The following MECOM variants were observed in gnomAD, a reference collection of about 807,000 sequenced individuals.
MECOM encodes the protein histone-lysine N-methyltransferase MECOM.
In MECOM, 13 loss-of-function variants were observed where a neutral mutation model predicts 116.3. The ratio of observed to expected loss-of-function variants is 0.11; its 90% CI spans 0.07 to 0.18. The LOEUF (loss-of-function observed/expected upper bound fraction) is 0.18, where lower values mean the gene tolerates loss of function less well. MECOM is among the 10% of genes least tolerant of loss of function. The probability of loss-of-function intolerance (pLI) is 1.00; values close to 1 mark genes in which losing one functional copy is unlikely to be tolerated. For missense variants in MECOM, 1,299 were observed against 1,509.0 expected, an observed-to-expected ratio of 0.86 and a Z score of 2.31; for synonymous variants, 528 against 535.2, an observed-to-expected ratio of 0.99 and a Z score of 0.19.
intron 1 of MECOM, among the ~76,000 whole-genome samples, chr3:169,431,651 C>G (rs867322083): frequency 6.6e-5 from 10 of 152,300 alleles, no homozygotes; most frequent in Middle Eastern, 3.4e-3. Flanking sequence ...TCAATATTTT[C>G]CATGGTAAAT....
At chr3:169,123,006 G>A (rs1731546850) in intron 5 of MECOM, among the ~76,000 whole-genome samples, 1 of 151,970 alleles carries the variant, frequency 6.6e-6, no homozygotes, top group African/African-American at 2.4e-5. Flanking sequence ...TTAAAAGCAT[G>A]ATAAACAACA....
chr3:169,530,325 T>C (rs1052657298), intron 1 of MECOM, among the ~76,000 whole-genome samples: 1 of 152,168 alleles, frequency 6.6e-6, no homozygotes, highest in Non-Finnish European at 1.5e-5. Flanking sequence ...TGTGCATCTT[T>C]AACAAGGAGG....
intron 1 of MECOM, among the ~76,000 whole-genome samples, chr3:169,463,474 G>A (rs1197266121): frequency 6.6e-6 from 1 of 152,168 alleles, no homozygotes; most frequent in Non-Finnish European, 1.5e-5. Context: ...GCAGCTGAGT[G>A]TCATCTCTAC....
At chr3:169,632,273 A>G (rs762132774) in intron 1 of MECOM, among the ~76,000 whole-genome samples, 2 of 152,150 alleles carry the variant, frequency 1.3e-5, no homozygotes, top group Non-Finnish European at 2.9e-5. Context: ...CAGAAATCTC[A>G]TATCACGTGA....
At chr3:169,541,403 T>C (rs1760041095) in intron 1 of MECOM, among the ~76,000 whole-genome samples, 1 of 152,192 alleles carries the variant, frequency 6.6e-6, no homozygotes, top group South Asian at 2.1e-4. Context: ...AAAGAGTCAT[T>C]GTTGTAACCC....
intron 2 of MECOM, chr3:169,146,374 A>T: frequency 2.2e-6 from 3 of 1,385,068 alleles, no homozygotes; most frequent in Non-Finnish European, 2.9e-6. Flanking sequence ...TGGCAACCGC[A>T]CCTTGTGCGT....
intron 1 of MECOM, among the ~76,000 whole-genome samples, chr3:169,386,601 T>G (rs1733355416): frequency 6.6e-6 from 1 of 152,198 alleles, no homozygotes; most frequent in South Asian, 2.1e-4. Flanking sequence ...CTTTATAATA[T>G]TCCATTATAG....
intron 2 of MECOM, among the ~76,000 whole-genome samples, chr3:169,321,427 C>A (rs528667976): frequency 3.9e-5 from 6 of 152,020 alleles, no homozygotes; most frequent in Non-Finnish European, 5.9e-5. Context: ...TTACTCACAG[C>A]TACTTGGGAG....
At chr3:169,439,269 C>A (rs1285754919) in intron 1 of MECOM, among the ~76,000 whole-genome samples, 1 of 145,750 alleles carries the variant, frequency 6.9e-6, no homozygotes, top group Non-Finnish European at 1.5e-5. Context: ...AAAGAAAATA[C>A]AAACTAGGAA....
chr3:169,085,005 G>T lies in MECOM; in HGVS notation c.3624C>A (p.Ser1208=). 6.2e-7 allele frequency: 1 copy of T among 1,614,100 alleles called. No homozygotes were observed. Among genetic ancestry groups the T allele is most frequent in the Non-Finnish European group, 8.5e-7 (1 of 1,179,990 alleles). The change falls in exon 17 of 17, where the codon TCC becomes TCA. Residue 1208 remains serine, a synonymous_variant. Transcript: ENST00000651503. ...AMMLSLSDKE[S]LHSTSHSSSN... ...AAGAACTGTGGGATGTAGAATGGAG[G>T]GACTCCTTGTCAGACAGTGACAGCA...
chr3:169,559,781 G>A (rs530132406), intron 1 of MECOM, among the ~76,000 whole-genome samples: 1 of 152,186 alleles, frequency 6.6e-6, no homozygotes, highest in East Asian at 1.9e-4. Flanking sequence ...ACAGATATAC[G>A]ACAGATTAAA....
At chr3:169,648,006 C>A (rs771347846) in intron 1 of MECOM, among the ~76,000 whole-genome samples, 33 of 152,112 alleles carry the variant, frequency 2.2e-4, no homozygotes, top group Non-Finnish European at 3.5e-4. Context: ...AGAAAAAAAA[C>A]AAGTCCCTAT....
intron 1 of MECOM, among the ~76,000 whole-genome samples, chr3:169,634,069 G>A (rs1219508726): frequency 2.6e-5 from 4 of 152,126 alleles, no homozygotes; most frequent in Non-Finnish European, 5.9e-5. Flanking sequence ...ACAGTGCAGG[G>A]ACAGCAGGAG....
rs148961989 is a variant in MECOM at position 169,561,794 on chromosome 3, G to A, written c.37+101542C>T. Among the ~76,000 whole-genome samples, 606 of 152,162 alleles carry A rather than the reference G, an allele frequency of 4.0e-3. 6 individuals carry two copies. The highest frequency in any genetic ancestry group is 0.014 in the African/African-American group (577 of 41,514). ...CTGAATGCGTATTTGCAGATACATAGGTGTCCATTATTTAGTCTTTTTTTC... is the reference window on the plus strand; with the variant it reads ...CTGAATGCGTATTTGCAGATACATAAGTGTCCATTATTTAGTCTTTTTTTC... On this transcript the variant is annotated intron_variant, in intron 1 of 16. Transcript: ENST00000651503.
chr3:169,091,031 G>A (rs925623110), intron 14 of MECOM, among the ~76,000 whole-genome samples: 1 of 151,904 alleles, frequency 6.6e-6, no homozygotes, highest in Non-Finnish European at 1.5e-5. Context: ...AAATCCATTT[G>A]ACCAGAAAAA....
rs549254271 is a variant in MECOM, at chr3:169,398,257, C to T, written c.38-16733G>A. ...TCAAGTCACTACATTTCTATATGCA[C>T]GAACATTAGTGCTCTCTCTATGGAT... On this transcript the variant is annotated intron_variant, in intron 1 of 16. Transcript: ENST00000651503. 1.1e-4 allele frequency among the ~76,000 whole-genome samples: 16 copies of T among 152,240 alleles called. No homozygotes were observed. The South Asian group carries it at 2.5e-3, about 24-fold the overall frequency.
intron 2 of MECOM, among the ~76,000 whole-genome samples, chr3:169,206,009 C>T (rs571279178): frequency 3.3e-4 from 50 of 152,228 alleles, no homozygotes; most frequent in African/African-American, 1.1e-3. Context: ...GGCTGAGTAG[C>T]GCAGCCCCCT....
chr3:169,619,703 T>A (rs1461491575), intron 1 of MECOM, among the ~76,000 whole-genome samples: 1 of 152,180 alleles, frequency 6.6e-6, no homozygotes, highest in Non-Finnish European at 1.5e-5. Flanking sequence ...GTTCAGTGAC[T>A]ACCAAAGAAA....
chr3:169,433,173 A>C (rs2108565684), intron 1 of MECOM, among the ~76,000 whole-genome samples: 1 of 152,270 alleles, frequency 6.6e-6, no homozygotes, highest in Middle Eastern at 3.4e-3. Flanking sequence ...GTCATGATGA[A>C]ATTTCTTTGA....
Sources: gnomAD v4.1 joint callset for allele counts (sites outside exome capture counted in the v4.1 genomes callset) on GRCh38, gnomAD v4.1.1 for gene constraint, MANE v1.5 for transcripts, NCBI Gene and HGNC (gene_info 2026-07-23, HGNC 2026-07-21) for gene names.